RHCG: variants seen among roughly 807,000 people sequenced by gnomAD.
RHCG encodes the protein Rh family C glycoprotein.
A neutral mutation model predicts 55.3 loss-of-function variants in RHCG; 39 were observed. That is an observed-to-expected ratio of 0.70 (90% CI 0.55 to 0.92). The LOEUF (loss-of-function observed/expected upper bound fraction) is 0.92. RHCG is among the 40% of genes least tolerant of loss of function. The probability of loss-of-function intolerance (pLI) is 0.00; values close to 1 mark genes in which losing one functional copy is unlikely to be tolerated. For synonymous variants in RHCG, 250 were observed against 246.8 expected (o/e 1.01, Z -0.12); for missense variants, 635 against 627.9 (o/e 1.01, Z -0.12).
intron 1 of RHCG, among the ~76,000 whole-genome samples, chr15:89,488,471 G>A (rs1225307859): frequency 4.6e-5 from 7 of 152,122 alleles, no homozygotes; most frequent in Admixed American, 1.3e-4. Flanking sequence ...ATTATACTGG[G>A]CAACATATTG....
chr15:89,473,061 G>T (rs888783811), intron 9 of RHCG, among the ~76,000 whole-genome samples, 198 bp from the exon 10 acceptor site: 3 of 152,212 alleles, frequency 2.0e-5, no homozygotes, highest in Non-Finnish European at 4.4e-5. Context: ...ACTGTCCTGG[G>T]TGCTGAGGCA....
chr15:89,481,617 G>A (rs1361673522), intron 3 of RHCG, among the ~76,000 whole-genome samples: 1 of 152,060 alleles, frequency 6.6e-6, no homozygotes, highest in Non-Finnish European at 1.5e-5. Context: ...AGGAAGATGG[G>A]GAGAGAGTAG....
intron 1 of RHCG, among the ~76,000 whole-genome samples, chr15:89,492,625 G>T (rs974414151): frequency 6.6e-6 from 1 of 152,224 alleles, no homozygotes; most frequent in East Asian, 1.9e-4. Flanking sequence ...TGTGCTACTG[G>T]CTGGCTGAGA....
At chr15:89,478,056 G>T (rs1227858228) in intron 5 of RHCG, 82 bp from the exon 6 acceptor site, 24 of 1,510,862 alleles carry the variant, frequency 1.6e-5, no homozygotes, top group Middle Eastern at 4.7e-4. Flanking sequence ...TGCTGGCTGT[G>T]CAAGGGTGCA....
intron 9 of RHCG, among the ~76,000 whole-genome samples, chr15:89,475,188 GCCTT>G (rs1401283802): frequency 2.2e-5 from 3 of 139,326 alleles, no homozygotes; most frequent in Non-Finnish European, 3.2e-5. Flanking sequence ...CTGCCTGCCT[GCCTT>G]CCTTCCTTCT....
At chr15:89,486,613 T>A (rs1961373819) in intron 2 of RHCG, 186 bp downstream of exon 2, 14 of 540,168 alleles carry the variant, frequency 2.6e-5, no homozygotes, top group Middle Eastern at 4.5e-4. Flanking sequence ...TGTGTGTGTG[T>A]GTGTGTGTGT....
intron 2 of RHCG, chr15:89,486,562 G>A (rs1567227707): frequency 1.9e-6 from 1 of 517,760 alleles, no homozygotes; most frequent in South Asian, 1.6e-5. Context: ...GAGAGAGAGA[G>A]ACAGAGAGAG....
rs1258311554 is a variant in RHCG, at chr15:89,474,840, T to G, written c.1311+1915A>C. Among the ~76,000 whole-genome samples the G allele has an allele frequency of 3.0e-3, 314 of 104,344 alleles. 5 individuals carry two copies. Among genetic ancestry groups the G allele is most frequent in the African/African-American group, 0.011 (272 of 24,680 alleles). The allele number at this position is 104,344 out of a possible 152,430, so 68.5% of individuals were successfully genotyped here. ...TGCCTGCCTTCCTTCCTGCCTGCCT[T>G]CCTTCCTGCCTGCCTGCCTTCCTTC... On this transcript the variant is annotated intron_variant, in intron 9 of 10. Coordinates refer to ENST00000268122, the MANE Select transcript of RHCG (RefSeq NM_016321.3).
chr15:89,480,176 GGCCTTCACCCATCATGGCT>G (rs1225121648), intron 4 of RHCG, 66 bp downstream of exon 4: 70 of 1,555,836 alleles, frequency 4.5e-5, no homozygotes, highest in Non-Finnish European at 5.3e-5. Context: ...CCATCATGGT[GGCCTTCACCCATCATGGCT>G]GCCTTCACCC....
intron 1 of RHCG, 108 bp downstream of exon 1, chr15:89,496,253 C>G: frequency 8.9e-7 from 1 of 1,129,302 alleles, no homozygotes; most frequent in Non-Finnish European, 1.3e-6. Context: ...GCGGAGTCCG[C>G]GGCTGCAGGG....
intron 9 of RHCG, 102 bp downstream of exon 9, chr15:89,476,653 C>T (rs906847370): frequency 1.3e-5 from 12 of 935,620 alleles, no homozygotes; most frequent in Non-Finnish European, 1.9e-5. Flanking sequence ...CTGACCCCCA[C>T]CCCCGGCATC....
Position 89,479,313 on chromosome 15 carries a change from C to T in RHCG, c.837+9G>A. 1 of 1,610,848 alleles carries T rather than the reference C, an allele frequency of 6.2e-7. No individual in the cohort carries two copies. The highest frequency in any genetic ancestry group is 8.5e-7 in the Non-Finnish European group (1 of 1,178,396). On this transcript the variant is annotated intron_variant, in intron 5 of 10. Coordinates refer to ENST00000268122, the MANE Select transcript of RHCG (RefSeq NM_016321.3). ...GTCAGAGCCACACCCCCAACGCCCT[C>T]ATGCTCACCATGTCCAGCTTGCCCT... is the stretch of plus-strand genomic sequence containing the variant.
rs532071275 is a variant in RHCG at position 89,487,612 on chromosome 15, C to T, written c.185-627G>A. ...ACTGACTCCAGCAGATACACATCCC[C>T]GCATCCCTGAGACTTGAATTTGGAC... On this transcript the variant is annotated intron_variant, in intron 1 of 10. Transcript: ENST00000268122. 1.3e-4 allele frequency among the ~76,000 whole-genome samples: 20 copies of T among 152,264 alleles called. No individual in the cohort carries two copies. In the South Asian group the frequency reaches 1.5e-3, roughly 11 times the overall value.
In RHCG at chr15:89,483,214, G is replaced by A; in HGVS notation, c.375C>T (p.Leu125=). The A allele has an allele frequency of 6.4e-7, 1 of 1,572,262 alleles. No homozygotes were observed. The highest frequency in any genetic ancestry group is 1.3e-5 in the African/African-American group (1 of 74,478). The change falls in exon 3 of 11, where the codon CTC becomes CTT. Residue 125 remains leucine, a synonymous_variant. Transcript: ENST00000268122. Reference sequence around the variant, plus strand: ...AGGCCACGCAGAAGTCAGCGTTGATGAGGCTGTGGGGAGACAGGCCAGTGG... The same window carrying A: ...AGGCCACGCAGAAGTCAGCGTTGATAAGGCTGTGGGGAGACAGGCCAGTGG... ...DRYIVVGVEN[L]INADFCVASV...
At chr15:89,480,501 C>T in intron 3 of RHCG, 93 bp from the exon 4 acceptor site, 1 of 1,444,662 alleles carries the variant, frequency 6.9e-7, no homozygotes, top group Non-Finnish European at 9.5e-7. Context: ...ACGCCCAGAG[C>T]TCCAGCCTTC....
chr15:89,478,691 A>G (rs1039539503), intron 5 of RHCG, among the ~76,000 whole-genome samples: 1 of 152,116 alleles, frequency 6.6e-6, no homozygotes, highest in Admixed American at 6.5e-5. Context: ...TCTCTTCCCC[A>G]GGTGCCTGAA....
Position 89,496,531 on chromosome 15 carries a change from G to C in RHCG, c.14C>G (p.Thr5Ser). Residue 5 changes from threonine (T) to serine (S), a missense_variant, in exon 1 of 11, where the codon ACC (threonine) becomes AGC (serine). Thr to Ser is a moderately conservative substitution (Grantham distance 58, BLOSUM62 1). Transcript: ENST00000268122. MAWN[T>S]NLRWRLPLTC... Reference sequence around the variant, plus strand: ...GAGCGGCAGCCGCCAGCGGAGGTTGGTGTTCCAGGCCATGCTGCAGGGGTG... The same window carrying C: ...GAGCGGCAGCCGCCAGCGGAGGTTGCTGTTCCAGGCCATGCTGCAGGGGTG... 6.2e-7 allele frequency: 1 copy of C among 1,612,526 alleles called. No individual in the cohort carries two copies. The highest frequency in any genetic ancestry group is 2.2e-5 in the East Asian group (1 of 44,860).
chr15:89,486,689 C>CAGCCTCAA, intron 2 of RHCG, 110 bp downstream of exon 2: 1 of 1,100,574 alleles, frequency 9.1e-7, no homozygotes, highest in South Asian at 1.5e-5. Flanking sequence ...AGTTGCCCTC[C>CAGCCTCAA]AGCCTCAAGC....
At chr15:89,491,434 A>T (rs1555462329) in intron 1 of RHCG, among the ~76,000 whole-genome samples, 1 of 152,166 alleles carries the variant, frequency 6.6e-6, no homozygotes, top group Non-Finnish European at 1.5e-5. Flanking sequence ...AAATGTATCC[A>T]TTTATTAATT....
Sources: gnomAD v4.1 joint callset for allele counts (sites outside exome capture counted in the v4.1 genomes callset) on GRCh38, gnomAD v4.1.1 for gene constraint, MANE v1.5 for transcripts, NCBI Gene and HGNC (gene_info 2026-07-23, HGNC 2026-07-21) for gene names.